The following PRKAG2 variants were observed in gnomAD, a reference collection of about 807,000 sequenced individuals.
The protein encoded by PRKAG2 is protein kinase AMP-activated non-catalytic subunit gamma 2.
A neutral mutation model predicts 69.6 loss-of-function variants in PRKAG2; 26 were observed. The observed-to-expected ratio is 0.37, with a 90% confidence interval of 0.27 to 0.52. The LOEUF is 0.52. Ranked by LOEUF, PRKAG2 falls within the 20% of genes least tolerant of loss-of-function variation. The probability of loss-of-function intolerance (pLI) is 0.90; values close to 1 mark genes in which losing one functional copy is unlikely to be tolerated. For synonymous variants in PRKAG2, 293 were observed against 285.0 expected (o/e 1.03, Z -0.28); for missense variants, 557 against 740.0 (o/e 0.75, Z 2.87).
intron 1 of PRKAG2, among the ~76,000 whole-genome samples, chr7:151,870,285 C>A (rs1027324525): frequency 6.6e-6 from 1 of 151,954 alleles, no homozygotes; most frequent in African/African-American, 2.4e-5. Context: ...GTTTTTAAGC[C>A]CCAGTAGGTA....
At chr7:151,849,022 C>T (rs1237311852) in intron 1 of PRKAG2, among the ~76,000 whole-genome samples, 2 of 152,166 alleles carry the variant, frequency 1.3e-5, no homozygotes, top group Admixed American at 1.3e-4. Flanking sequence ...GGGTACTGCT[C>T]CACGGTTCCT....
Position 151,773,023 on chromosome 7 carries a change from AAGAGAGAGAGAGAGAGAGAGAGAGAG to A in PRKAG2, c.466+8103_466+8128del, listed in dbSNP as rs1163334410. 1.5e-3 allele frequency among the ~76,000 whole-genome samples: 82 copies of A among 55,088 alleles called. 2 individuals carry two copies. The highest frequency in any genetic ancestry group is 1.8e-3 in the African/African-American group (23 of 13,016). The allele number at this position is 55,088 out of a possible 152,430, so 36.1% of individuals were successfully genotyped here. ...AAAGAAAGAAAGAAAGAAAGAAAGA[AAGAGAGAGAGAGAGAGAGAGAGAGAG>A]AGAGGGAGGGAGGGAGGGAGGGAGG... On this transcript the variant is annotated intron_variant, in intron 3 of 15. Transcript: ENST00000287878.
At chr7:151,731,583 G>A (rs556371434) in intron 3 of PRKAG2, among the ~76,000 whole-genome samples, 85 of 152,068 alleles carry the variant, frequency 5.6e-4, no homozygotes, top group African/African-American at 1.9e-3. Flanking sequence ...CTCTTGACCC[G>A]GGGAACTGCA....
chr7:151,812,830 G>A (rs1227383689), intron 1 of PRKAG2, among the ~76,000 whole-genome samples: 2 of 149,972 alleles, frequency 1.3e-5, no homozygotes, highest in Non-Finnish European at 1.5e-5. Flanking sequence ...AGGCAAAGAA[G>A]ATTAAATATT....
chr7:151,834,227 A>C (rs2079098029), intron 1 of PRKAG2, among the ~76,000 whole-genome samples: 1 of 152,224 alleles, frequency 6.6e-6, no homozygotes, highest in East Asian at 1.9e-4. Context: ...GAATTTGGTG[A>C]TCATGATTTG....
intron 4 of PRKAG2, among the ~76,000 whole-genome samples, chr7:151,667,668 G>A (rs1423939103): frequency 6.6e-6 from 1 of 152,140 alleles, no homozygotes; most frequent in East Asian, 1.9e-4. Flanking sequence ...AGGCCTCAAG[G>A]GACCTTGCAT....
chr7:151,827,824 G>A (rs1357527587), intron 1 of PRKAG2, among the ~76,000 whole-genome samples: 5 of 146,922 alleles, frequency 3.4e-5, no homozygotes, highest in Admixed American at 1.4e-4. Flanking sequence ...CAGAGCCTAC[G>A]TGCCTCCAAG....
intron 3 of PRKAG2, among the ~76,000 whole-genome samples, chr7:151,745,989 A>G (rs1351518714): frequency 6.6e-6 from 1 of 152,240 alleles, no homozygotes; most frequent in Non-Finnish European, 1.5e-5. Flanking sequence ...GCTGGGCTCA[A>G]CGGGGGCCAC....
chr7:151,672,110 A>ATT (rs113204731), intron 4 of PRKAG2, among the ~76,000 whole-genome samples: 2 of 145,776 alleles, frequency 1.4e-5, no homozygotes, highest in Admixed American at 1.4e-4. Flanking sequence ...CATTTGAACT[A>ATT]TTTTTTTTTG....
At chr7:151,627,918 C>T (rs1258911994) in intron 5 of PRKAG2, among the ~76,000 whole-genome samples, 1 of 152,186 alleles carries the variant, frequency 6.6e-6, no homozygotes, top group African/African-American at 2.4e-5. Flanking sequence ...CCTGCCTCTG[C>T]CTCCCAAAGT....
chr7:151,872,629 G>C (rs2080243928), intron 1 of PRKAG2, among the ~76,000 whole-genome samples: 1 of 152,242 alleles, frequency 6.6e-6, no homozygotes, highest in African/African-American at 2.4e-5. Context: ...TTCCCACTGA[G>C]CAGCAGGGCG....
chr7:151,663,485 C>T (rs1169113532), intron 4 of PRKAG2, among the ~76,000 whole-genome samples: 1 of 152,204 alleles, frequency 6.6e-6, no homozygotes, highest in Admixed American at 6.5e-5. Flanking sequence ...ACCTCAGCCT[C>T]CCAAGTAGCT....
intron 15 of PRKAG2, chr7:151,558,147 T>C (rs540886871): frequency 3.9e-5 from 38 of 985,336 alleles, no homozygotes; most frequent in Admixed American, 6.1e-5. Flanking sequence ...TGGGTTCATT[T>C]GGACAGTCTA....
intron 3 of PRKAG2, among the ~76,000 whole-genome samples, chr7:151,697,724 G>A (rs1345168796): frequency 1.3e-5 from 2 of 152,100 alleles, no homozygotes; most frequent in Admixed American, 1.3e-4. Flanking sequence ...GGGAGGGGGT[G>A]TGGACGCAGG....
In PRKAG2 at chr7:151,611,160, G is replaced by C. The variant is rs569398234; in HGVS notation, c.755-15706C>G. Reference sequence around the variant, plus strand: ...AAAAGAAGGAACAGAGAAGAGATGCGTGCAGGGTGGGAGCAGAGCACACTG... The same window carrying C: ...AAAAGAAGGAACAGAGAAGAGATGCCTGCAGGGTGGGAGCAGAGCACACTG... On this transcript the variant is annotated intron_variant, in intron 5 of 15. Transcript: ENST00000287878. Among the ~76,000 whole-genome samples the C allele has an allele frequency of 1.4e-4, 21 of 152,284 alleles. No homozygotes were observed. The East Asian group carries it at 4.1e-3, about 29-fold the overall frequency.
rs571976059 is a variant in PRKAG2, at chr7:151,657,249, C to G, written c.684+18171G>C. ...GACCATAGTGTATATAAAATGAAGA[C>G]AGCAAACATCGCCTATGGAAGAAGA... is the stretch of plus-strand genomic sequence containing the variant. On this transcript the variant is annotated intron_variant, in intron 4 of 15. Transcript: ENST00000287878. Among the ~76,000 whole-genome samples the G allele has an allele frequency of 5.9e-5, 9 of 152,234 alleles. 1 individual carries two copies. Among genetic ancestry groups the G allele is most frequent in the South Asian group, 4.2e-4 (2 of 4,818 alleles).
At chr7:151,856,292 C>G (rs1383493092) in intron 1 of PRKAG2, among the ~76,000 whole-genome samples, 1 of 152,236 alleles carries the variant, frequency 6.6e-6, no homozygotes, top group Non-Finnish European at 1.5e-5. Context: ...AACCAGGTCC[C>G]CAAAGTCCTG....
At chr7:151,730,993 G>C (rs2270212) in intron 3 of PRKAG2, among the ~76,000 whole-genome samples, 71,422 of 151,946 alleles carry the variant, frequency 0.47, 17,158 homozygotes, top group East Asian at 0.62. Flanking sequence ...CTGACACACC[G>C]CTTGGACTCC....
intron 1 of PRKAG2, among the ~76,000 whole-genome samples, chr7:151,839,832 G>A (rs954314426): frequency 1.3e-5 from 2 of 152,176 alleles, no homozygotes; most frequent in African/African-American, 4.8e-5. Context: ...GCAGGGGCCC[G>A]CCTTCCCCAG....
Sources: allele counts gnomAD v4.1 joint callset (sites outside exome capture counted in the v4.1 genomes callset), GRCh38; gene constraint gnomAD v4.1.1; transcripts MANE v1.5; gene names NCBI Gene and HGNC (gene_info 2026-07-23, HGNC 2026-07-21).